The following KIAA1549 variants were observed in gnomAD, a reference collection of about 807,000 sequenced individuals.
KIAA1549 encodes the protein UPF0606 protein KIAA1549.
KIAA1549 carries 70 observed loss-of-function variants against 156.4 expected under a neutral mutation model. That is an observed-to-expected ratio of 0.45 (90% CI 0.37 to 0.55). KIAA1549 has a LOEUF of 0.55. Among genes scored for constraint, KIAA1549 ranks in the 20% least tolerant of loss-of-function variants. KIAA1549 has a pLI of 0.00. For missense variants in KIAA1549, 2,428 were observed against 2,540.9 expected (o/e 0.96, Z 0.96); for synonymous variants, 1,103 against 1,066.4 (o/e 1.03, Z -0.67).
At chr7:138,928,729 G>A (rs1812790435) in intron 1 of KIAA1549, among the ~76,000 whole-genome samples, 8 of 152,156 alleles carry the variant, frequency 5.3e-5, no homozygotes, top group Admixed American at 5.2e-4. Context: ...ATACCATACT[G>A]TAGTCTATTA....
At chr7:138,963,981 A>G (rs901335433) in intron 1 of KIAA1549, among the ~76,000 whole-genome samples, 4 of 152,276 alleles carry the variant, frequency 2.6e-5, no homozygotes, top group South Asian at 2.1e-4. Flanking sequence ...AAAATGGAAT[A>G]TGGCTCATCA....
chr7:138,965,850 A>C (rs1320830733), intron 1 of KIAA1549, among the ~76,000 whole-genome samples: 2 of 152,180 alleles, frequency 1.3e-5, no homozygotes, highest in East Asian at 3.9e-4. Context: ...AAGAAATTTT[A>C]CATCATCCTC....
At chr7:138,977,136 T>A (rs1355010807) in intron 1 of KIAA1549, among the ~76,000 whole-genome samples, 1 of 152,112 alleles carries the variant, frequency 6.6e-6, no homozygotes, top group Non-Finnish European at 1.5e-5. Flanking sequence ...ATCTTGCTAA[T>A]CAAAACAACC....
Position 138,975,566 on chromosome 7 carries a change from CG to C in KIAA1549, c.187+5516del, listed in dbSNP as rs1814351698. Among the ~76,000 whole-genome samples the C allele has an allele frequency of 2.0e-5, 3 of 152,166 alleles. No homozygotes were observed. In the East Asian group the frequency reaches 5.8e-4, roughly 29 times the overall value. ...TAATCTCATTAACCCTTTCTTACACCGAGGAGGAAACCCAGGACAAGGTAAC... is the reference window on the plus strand; with the variant it reads ...TAATCTCATTAACCCTTTCTTACACCAGGAGGAAACCCAGGACAAGGTAAC... On this transcript the variant is annotated intron_variant, in intron 1 of 19. Transcript: ENST00000422774.
chr7:138,917,522 G>T lies in KIAA1549; in HGVS notation c.2104C>A (p.Leu702Met), dbSNP rs757774769. The change falls in exon 2 of 20, where the codon CTG becomes ATG. Residue 702 changes from leucine (L) to methionine (M), a missense_variant. Leu to Met is a conservative substitution (Grantham distance 15). Coordinates refer to ENST00000422774, the MANE Select transcript of KIAA1549 (RefSeq NM_001164665.2). ...EFSQLQPSSELPLNTIMLLPS... is the reference protein window; with the variant it reads ...EFSQLQPSSEMPLNTIMLLPS... ...AGCAACATGATGGTGTTTAAAGGCA[G>T]CTCGGAACTTGGCTGGAGCTGCGAA... The T allele has an allele frequency of 6.2e-7, 1 of 1,613,768 alleles. No homozygotes were observed. Among genetic ancestry groups the T allele is most frequent in the Non-Finnish European group, 8.5e-7 (1 of 1,179,870 alleles).
intron 19 of KIAA1549, among the ~76,000 whole-genome samples, chr7:138,839,546 A>C (rs984869712): frequency 6.6e-6 from 1 of 152,188 alleles, no homozygotes; most frequent in Non-Finnish European, 1.5e-5. Flanking sequence ...TTTATACAGC[A>C]ATCCCGCCAA....
chr7:138,917,435 C>G lies in KIAA1549; in HGVS notation c.2191G>C (p.Glu731Gln). 1.2e-6 allele frequency: 2 copies of G among 1,613,990 alleles called. No homozygotes were observed. Among genetic ancestry groups the G allele is most frequent in the South Asian group, 2.2e-5 (2 of 91,082 alleles). ...TCCGTCAGTGAAACCGTAGACGCTT[C>G]AACAAACTCGAGAGAATCAGAAGGG... ...SFPSDSLEFV[E>Q]ASTVSLTDSE... is the part of the protein sequence containing the mutation. The change falls in exon 2 of 20, where the codon GAA becomes CAA. Residue 731 changes from glutamate (E) to glutamine (Q), a missense_variant. By Grantham distance (29) the Glu-to-Gln change is conservative. Transcript: ENST00000422774.
intron 12 of KIAA1549, among the ~76,000 whole-genome samples, chr7:138,876,144 C>T (rs771492959): frequency 2.0e-5 from 3 of 152,154 alleles, no homozygotes; most frequent in Non-Finnish European, 2.9e-5. Context: ...ATTTGCTAAA[C>T]GGATGACTCA....
chr7:138,937,653 C>G (rs376074394), intron 1 of KIAA1549, among the ~76,000 whole-genome samples: 5 of 152,046 alleles, frequency 3.3e-5, no homozygotes, highest in Non-Finnish European at 4.4e-5. Flanking sequence ...GAGGGGGTGG[C>G]GAGCACAGTG....
intron 17 of KIAA1549, among the ~76,000 whole-genome samples, chr7:138,851,932 T>C (rs1451159644): frequency 6.6e-6 from 1 of 152,190 alleles, no homozygotes; most frequent in Non-Finnish European, 1.5e-5. Flanking sequence ...TGGATCTTGG[T>C]CTCATACCGC....
At chr7:138,952,033 T>C (rs1813516441) in intron 1 of KIAA1549, among the ~76,000 whole-genome samples, 1 of 152,114 alleles carries the variant, frequency 6.6e-6, no homozygotes, top group Admixed American at 6.5e-5. Flanking sequence ...ATCTATAAAA[T>C]GAGGAAAAGA....
intron 10 of KIAA1549, among the ~76,000 whole-genome samples, chr7:138,892,693 A>G (rs139147796): frequency 6.6e-6 from 1 of 152,382 alleles, no homozygotes; most frequent in African/African-American, 2.4e-5. Flanking sequence ...TTGTTAATTC[A>G]TATGAAAAGA....
At chr7:138,980,732 C>T (rs1221529836) in intron 1 of KIAA1549, among the ~76,000 whole-genome samples, 1 of 152,246 alleles carries the variant, frequency 6.6e-6, no homozygotes, top group Non-Finnish European at 1.5e-5. Flanking sequence ...TATGCCACAT[C>T]ATACAGCCTT....
intron 1 of KIAA1549, among the ~76,000 whole-genome samples, chr7:138,949,218 ATTCAC>A (rs1455047989): frequency 6.6e-6 from 1 of 152,162 alleles, no homozygotes; most frequent in Non-Finnish European, 1.5e-5. Context: ...TAATTTGAAA[ATTCAC>A]TTAACAAAGC....
At chr7:138,886,596 GAAATT>G (rs1439762690) in intron 10 of KIAA1549, among the ~76,000 whole-genome samples, 1 of 151,990 alleles carries the variant, frequency 6.6e-6, no homozygotes, top group Middle Eastern at 3.2e-3. Context: ...TTTATAAGCT[GAAATT>G]CTCGGATCAA....
intron 1 of KIAA1549, among the ~76,000 whole-genome samples, chr7:138,926,003 GA>G (rs1186588481): frequency 6.6e-6 from 1 of 152,174 alleles, no homozygotes. Context: ...CAGACGCTGG[GA>G]AAATACCTCC....
rs535924811 is a variant in KIAA1549 at position 138,895,337 on chromosome 7, A to G, written c.3848-811T>C. ...ATGACAAAGAGATGCTGATGTTCGT[A>G]GCAGCGCTATTCACGACAGCCTAAA... On this transcript the variant is annotated intron_variant, in intron 9 of 19. Coordinates refer to ENST00000422774, the MANE Select transcript of KIAA1549 (RefSeq NM_001164665.2). 2.0e-5 allele frequency among the ~76,000 whole-genome samples: 3 copies of G among 152,390 alleles called. No individual in the cohort carries two copies. In the South Asian group the frequency reaches 6.2e-4, roughly 32 times the overall value.
chr7:138,943,766 G>A (rs1456674459), intron 1 of KIAA1549, among the ~76,000 whole-genome samples: 5 of 151,840 alleles, frequency 3.3e-5, no homozygotes, highest in African/African-American at 4.8e-5. Context: ...GGCGAATGGC[G>A]TGAACCCGGA....
Position 138,918,353 on chromosome 7 carries a change from T to C in KIAA1549, c.1273A>G (p.Thr425Ala). 5 of 1,613,972 alleles carry C rather than the reference T, an allele frequency of 3.1e-6. No individual in the cohort carries two copies. The highest frequency in any genetic ancestry group is 4.2e-6 in the Non-Finnish European group (5 of 1,179,896). The change falls in exon 2 of 20, where the codon ACT (threonine) becomes GCT (alanine). Residue 425 changes from threonine to alanine, a missense_variant. By Grantham distance (58) the Thr-to-Ala change is moderately conservative (BLOSUM62 0). Transcript: ENST00000422774. This position sits in a 1 kb window ranked among gnomAD's most constrained non-coding sequence, Gnocchi z 4.2. The stretch of plus-strand genomic sequence containing the variant: ...AGAACTTGCTGAGGTGAAGGCACAG[T>C]GCAGGCCGCACACCAAGTGTATGGT... ...FRPYTWCAAC[T>A]VPSPQQVLAT...
Sources: gnomAD v4.1 joint callset for allele counts (sites outside exome capture counted in the v4.1 genomes callset) on GRCh38, gnomAD v4.1.1 for gene constraint, Gnocchi (gnomAD v3.1) non-coding constraint, MANE v1.5 for transcripts, NCBI Gene and HGNC (gene_info 2026-07-23, HGNC 2026-07-21) for gene names.